The following SCARA3 variants were observed in gnomAD, a reference collection of about 807,000 sequenced individuals.
SCARA3 encodes cellular stress response gene protein.
SCARA3 carries 39 observed loss-of-function variants against 47.0 expected under a neutral mutation model. The ratio of observed to expected loss-of-function variants is 0.83; its 90% CI spans 0.64 to 1.08. SCARA3 has a LOEUF of 1.08. Ranked by LOEUF, SCARA3 falls within the 50% of genes least tolerant of loss-of-function variation. SCARA3 has a pLI of 0.00. For missense variants in SCARA3, 724 were observed against 792.3 expected (o/e 0.91, Z 1.04); for synonymous variants, 356 against 334.1 (o/e 1.07, Z -0.71).
the SCARA3 span, among the ~76,000 whole-genome samples, chr8:27,684,733 A>C: frequency 6.6e-6 from 1 of 152,058 alleles, no homozygotes; most frequent in East Asian, 1.9e-4. Context: ...TTCAGTGTTC[A>C]ACTTAAGAAG....
chr8:27,702,028 A>C, the SCARA3 span: 1 of 152,096 alleles, frequency 6.6e-6, no homozygotes, highest in Non-Finnish European at 1.5e-5. Context: ...GTTTCCTGAA[A>C]GGCTAGAATA....
chr8:27,673,251 C>T (rs1236931194), downstream of SCARA3, among the ~76,000 whole-genome samples: 3 of 152,246 alleles, frequency 2.0e-5, no homozygotes, highest in Admixed American at 1.3e-4. Context: ...AAGCCCAATG[C>T]ATCTTGCAGC....
chr8:27,656,866 A>C lies in SCARA3; in HGVS notation c.311A>C (p.Asn104Thr). The C allele has an allele frequency of 1.9e-6, 3 of 1,605,702 alleles. No individual in the cohort carries two copies. Among genetic ancestry groups the C allele is most frequent in the Non-Finnish European group, 8.5e-7 (1 of 1,172,344 alleles). ...YDKKLVLMQK[N>T]LQGLDPKALN... ...AAGAAGCTTGTGTTAATGCAGAAAA[A>C]TCTCCAGGGCCTGGGTAAGTAGATG... Residue 104 changes from asparagine to threonine, a missense_variant, in exon 4 of 6, where the codon AAT (asparagine) becomes ACT (threonine). Coordinates refer to ENST00000301904, the MANE Select transcript of SCARA3 (RefSeq NM_016240.3).
chr8:27,643,312 A>T (rs1176642194), intron 1 of SCARA3, among the ~76,000 whole-genome samples: 1 of 152,222 alleles, frequency 6.6e-6, no homozygotes, highest in Non-Finnish European at 1.5e-5. Flanking sequence ...TGGAGGTAGC[A>T]GGAACCGGGA....
chr8:27,687,344 G>C, the SCARA3 span, among the ~76,000 whole-genome samples: 2 of 152,126 alleles, frequency 1.3e-5, no homozygotes, highest in African/African-American at 4.8e-5. Context: ...CAATATTAGA[G>C]TTTCTGAATA....
At chr8:27,695,499 T>C in the SCARA3 span, among the ~76,000 whole-genome samples, 3 of 152,138 alleles carry the variant, frequency 2.0e-5, no homozygotes, top group Non-Finnish European at 2.9e-5. Flanking sequence ...AAAAAATTAC[T>C]AACTATAGGA....
chr8:27,644,621 G>GGAGAGAGA (rs71553870), intron 1 of SCARA3, among the ~76,000 whole-genome samples: 1,532 of 147,228 alleles, frequency 0.01, 10 homozygotes, highest in Non-Finnish European at 0.016. Flanking sequence ...GAAAAGAAGG[G>GGAGAGAGA]GAGAGAGAGA....
In SCARA3 at chr8:27,659,365, C is replaced by G. The variant is rs751107108; in HGVS notation, c.1195C>G (p.Leu399Val). 9 of 1,614,142 alleles carry G rather than the reference C, an allele frequency of 5.6e-6. No homozygotes were observed. Among genetic ancestry groups the G allele is most frequent in the Non-Finnish European group, 7.6e-6 (9 of 1,179,994 alleles). The change falls in exon 5 of 6, where the codon CTG (leucine) becomes GTG (valine). Residue 399 changes from leucine to valine, a missense_variant. Leu to Val is a conservative substitution (Grantham distance 32, BLOSUM62 1). Transcript: ENST00000301904. ...FHTHAEELYYLNKSVSIMLGT... is the reference protein window; with the variant it reads ...FHTHAEELYYVNKSVSIMLGT... ...CACCCATGCCGAGGAGCTCTACTACCTGAACAAGTCTGTCTCCATCATGCT... is the reference window on the plus strand; with the variant it reads ...CACCCATGCCGAGGAGCTCTACTACGTGAACAAGTCTGTCTCCATCATGCT...
chr8:27,639,492 A>G (rs1353355463), intron 1 of SCARA3, among the ~76,000 whole-genome samples: 3 of 152,034 alleles, frequency 2.0e-5, no homozygotes, highest in Admixed American at 6.6e-5. Flanking sequence ...GAAAAGTTGG[A>G]CAGCAGGTCC....
At chr8:27,654,409 A>G (rs1232139576) in intron 3 of SCARA3, among the ~76,000 whole-genome samples, 2 of 152,200 alleles carry the variant, frequency 1.3e-5, no homozygotes, top group East Asian at 3.8e-4. Flanking sequence ...CTAAAAAGTG[A>G]GGAAAAATGG....
At chr8:27,692,643 A>T in the SCARA3 span, among the ~76,000 whole-genome samples, 1 of 152,140 alleles carries the variant, frequency 6.6e-6, no homozygotes, top group African/African-American at 2.4e-5. Context: ...GAGAGAATTA[A>T]CTAAGTGTCT....
the SCARA3 span, among the ~76,000 whole-genome samples, chr8:27,687,165 T>C: frequency 2.6e-4 from 39 of 152,248 alleles, no homozygotes; most frequent in East Asian, 2.5e-3. Flanking sequence ...GAGTGTCCAC[T>C]CCCAGAATTT....
chr8:27,683,842 GGAA>G, the SCARA3 span, among the ~76,000 whole-genome samples: 5 of 151,804 alleles, frequency 3.3e-5, no homozygotes, highest in Non-Finnish European at 5.9e-5. Flanking sequence ...GGGAAGAGAA[GGAA>G]GAAGAAGAAA....
At chr8:27,660,733 A>C (rs570710951) in intron 5 of SCARA3, among the ~76,000 whole-genome samples, 32 of 147,252 alleles carry the variant, frequency 2.2e-4, no homozygotes, top group African/African-American at 4.7e-4. Flanking sequence ...ATAGATAGAT[A>C]GATCCAGAGA....
At position 27,647,442 on chromosome 8, in the gene SCARA3, A is replaced by T. The variant is rs35459143; in HGVS notation, c.8-2260A>T. Reference sequence around the variant, plus strand: ...GTGGACCCTTGAAAGCTCCCCAGAGAGCTCCACAGGCAGGCATAGAACTGC... The same window carrying T: ...GTGGACCCTTGAAAGCTCCCCAGAGTGCTCCACAGGCAGGCATAGAACTGC... On this transcript the variant is annotated intron_variant, in intron 1 of 5. Transcript: ENST00000301904. Among the ~76,000 whole-genome samples the T allele has an allele frequency of 8.4e-3, 1,286 of 152,278 alleles. 20 individuals carry two copies. The highest frequency in any genetic ancestry group is 0.024 in the African/African-American group (988 of 41,544).
At chr8:27,646,152 T>A (rs779920000) in intron 1 of SCARA3, among the ~76,000 whole-genome samples, 2 of 151,978 alleles carry the variant, frequency 1.3e-5, no homozygotes, top group Admixed American at 1.3e-4. Context: ...TCTTTGGGGA[T>A]TGGGGAGGGC....
At chr8:27,657,400 G>T (rs572383493) in intron 4 of SCARA3, among the ~76,000 whole-genome samples, 18 of 149,276 alleles carry the variant, frequency 1.2e-4, no homozygotes, top group African/African-American at 4.5e-4. Flanking sequence ...GGTTTGGGGG[G>T]GTAGAAATGA....
At chr8:27,715,740 ACAGT>A in the SCARA3 span, among the ~76,000 whole-genome samples, 12 of 152,130 alleles carry the variant, frequency 7.9e-5, no homozygotes, top group Non-Finnish European at 1.3e-4. The surrounding 1 kb of genome is among the most constrained non-coding windows in gnomAD (Gnocchi z 4.2). Flanking sequence ...ACAGACAAAC[ACAGT>A]CAGACAGACA....
chr8:27,705,602 T>A, the SCARA3 span, among the ~76,000 whole-genome samples: 1 of 152,356 alleles, frequency 6.6e-6, no homozygotes, highest in Non-Finnish European at 1.5e-5. Flanking sequence ...GACATGGGGC[T>A]CCAGTCATTT....
Sources: allele counts gnomAD v4.1 joint callset (sites outside exome capture counted in the v4.1 genomes callset), GRCh38; gene constraint gnomAD v4.1.1; non-coding constraint Gnocchi (gnomAD v3.1); transcripts MANE v1.5; gene names NCBI Gene and HGNC (gene_info 2026-07-23, HGNC 2026-07-21).